Variants in LRP1B observed in about 807,000 individuals in gnomAD.
LRP1B encodes the protein low-density lipoprotein receptor-related protein 1B.
A neutral mutation model predicts 556.6 loss-of-function variants in LRP1B; 217 were observed. The observed-to-expected ratio is 0.39, with a 90% confidence interval of 0.35 to 0.44. The LOEUF (loss-of-function observed/expected upper bound fraction) is 0.44. LRP1B is among the 20% of genes least tolerant of loss of function. LRP1B has a pLI of 1.00. For missense variants in LRP1B, 5,053 were observed against 5,620.8 expected (o/e 0.90, Z 3.23); for synonymous variants, 2,047 against 1,865.8 (o/e 1.10, Z -2.50).
intron 3 of LRP1B, among the ~76,000 whole-genome samples, chr2:141,391,038 T>C (rs1231023395): frequency 1.3e-5 from 2 of 152,168 alleles, no homozygotes; most frequent in African/African-American, 2.4e-5. Context: ...TTTAAATTGA[T>C]ACAATGAGTA....
chr2:142,065,951 C>G (rs1290417655), intron 1 of LRP1B, among the ~76,000 whole-genome samples: 1 of 151,288 alleles, frequency 6.6e-6, no homozygotes, highest in African/African-American at 2.4e-5. Context: ...TCTGTGGGTT[C>G]ATGAAATCCC....
intron 1 of LRP1B, among the ~76,000 whole-genome samples, chr2:141,848,618 C>A (rs142532846): frequency 2.8e-4 from 43 of 151,428 alleles, no homozygotes; most frequent in African/African-American, 8.7e-4. Flanking sequence ...TATAACAATA[C>A]CATTTGGTTA....
chr2:141,242,880 G>A (rs2105319306), intron 5 of LRP1B, among the ~76,000 whole-genome samples: 1 of 152,142 alleles, frequency 6.6e-6, no homozygotes, highest in East Asian at 1.9e-4. Context: ...CAATTTGTAA[G>A]TTAAACACCA....
At position 141,767,708 on chromosome 2, in the gene LRP1B, T is replaced by G. The variant is rs1343338375; in HGVS notation, c.205+42571A>C. ...ATATATGGACAGGCAAGTCTGACAT[T>G]AAACTCATAGCCTGTGGGAGCCAGA... On this transcript the variant is annotated intron_variant, in intron 2 of 90. Transcript: ENST00000389484. Among the ~76,000 whole-genome samples, 4 of 152,300 alleles carry G rather than the reference T, an allele frequency of 2.6e-5. No individual in the cohort carries two copies. In the East Asian group the frequency reaches 5.8e-4, roughly 22 times the overall value.
rs1282301057 is a variant in LRP1B, at chr2:140,451,242, C to A, written c.9964-581G>T. 5.9e-5 allele frequency among the ~76,000 whole-genome samples: 9 copies of A among 152,148 alleles called. No individual in the cohort carries two copies. The East Asian group carries it at 1.4e-3, about 23-fold the overall frequency. Reference sequence around the variant, plus strand: ...AGGTGTAAATAAATCACGGCCCCAGCCCTAAAGGGCTACTTGTACACTACA... The same window carrying A: ...AGGTGTAAATAAATCACGGCCCCAGACCTAAAGGGCTACTTGTACACTACA... On this transcript the variant is annotated intron_variant, in intron 62 of 90. Coordinates refer to ENST00000389484, the MANE Select transcript of LRP1B (RefSeq NM_018557.3).
intron 7 of LRP1B, among the ~76,000 whole-genome samples, chr2:141,183,662 A>C (rs2105179107): frequency 6.6e-6 from 1 of 152,146 alleles, no homozygotes; most frequent in East Asian, 1.9e-4. Context: ...CAAAAGATTC[A>C]TCCCACACAG....
chr2:141,914,228 A>G (rs1699976280), intron 1 of LRP1B, among the ~76,000 whole-genome samples: 1 of 152,274 alleles, frequency 6.6e-6, no homozygotes, highest in South Asian at 2.1e-4. Context: ...TTAATAGATA[A>G]AAGGATATAA....
In LRP1B at chr2:141,201,388, C is replaced by T. The variant is rs77510317; in HGVS notation, c.851-12805G>A. ...CTATCTAGAGTGCTTTCTTATCTAT[C>T]CCCTACCAAGAAACATTTTCTGACT... On this transcript the variant is annotated intron_variant, in intron 6 of 90. Coordinates refer to ENST00000389484, the MANE Select transcript of LRP1B (RefSeq NM_018557.3). Among the ~76,000 whole-genome samples, 144 of 152,174 alleles carry T rather than the reference C, an allele frequency of 9.5e-4. 1 individual carries two copies. The highest frequency in any genetic ancestry group is 6.8e-3 in the Middle Eastern group (2 of 294).
intron 2 of LRP1B, among the ~76,000 whole-genome samples, chr2:141,592,763 G>C (rs1229743759): frequency 6.6e-6 from 1 of 152,042 alleles, no homozygotes; most frequent in Non-Finnish European, 1.5e-5. Context: ...CCACTTTTGA[G>C]ATTCTATTCT....
At chr2:140,304,542 A>G (rs1683980997) in intron 83 of LRP1B, among the ~76,000 whole-genome samples, 1 of 152,064 alleles carries the variant, frequency 6.6e-6, no homozygotes, top group East Asian at 1.9e-4. Flanking sequence ...TTCTTTGTAG[A>G]TTGTGGATTG....
intron 3 of LRP1B, among the ~76,000 whole-genome samples, chr2:141,404,857 G>T (rs970705128): frequency 1.3e-5 from 2 of 151,252 alleles, no homozygotes; most frequent in Non-Finnish European, 2.9e-5. Flanking sequence ...TTTCATTTTG[G>T]GCAGAAGCCT....
chr2:140,317,618 CTTGT>C (rs930364354), intron 82 of LRP1B, among the ~76,000 whole-genome samples: 3 of 152,060 alleles, frequency 2.0e-5, no homozygotes, highest in Admixed American at 6.6e-5. Flanking sequence ...TGGAAATATG[CTTGT>C]TTAATTTAAA....
At chr2:140,801,104 T>C (rs1052559564) in intron 32 of LRP1B, among the ~76,000 whole-genome samples, 1 of 152,214 alleles carries the variant, frequency 6.6e-6, no homozygotes, top group Non-Finnish European at 1.5e-5. Flanking sequence ...ATTATTGAGA[T>C]GTACTAAATA....
At chr2:140,602,275 T>C (rs565941909) in intron 41 of LRP1B, among the ~76,000 whole-genome samples, 1 of 151,982 alleles carries the variant, frequency 6.6e-6, no homozygotes, top group South Asian at 2.1e-4. Context: ...CAGACAAAGA[T>C]AAATGATGGT....
At chr2:141,230,018 C>G (rs962853323) in intron 5 of LRP1B, among the ~76,000 whole-genome samples, 1 of 152,164 alleles carries the variant, frequency 6.6e-6, no homozygotes, top group African/African-American at 2.4e-5. Flanking sequence ...TTTCTACAGT[C>G]AGGAAAACAA....
At chr2:140,760,886 C>G (rs1688898327) in intron 35 of LRP1B, among the ~76,000 whole-genome samples, 3 of 151,256 alleles carry the variant, frequency 2.0e-5, no homozygotes, top group Non-Finnish European at 4.4e-5. Flanking sequence ...GAGACTCTGT[C>G]TCAAAAAAAT....
intron 7 of LRP1B, among the ~76,000 whole-genome samples, chr2:141,102,488 C>T (rs143738270): frequency 1.3e-5 from 2 of 152,156 alleles, no homozygotes; most frequent in Non-Finnish European, 2.9e-5. Flanking sequence ...CCACCTATAT[C>T]GGGTTTCTTG....
At chr2:140,864,222 A>G (rs958246537) in intron 27 of LRP1B, among the ~76,000 whole-genome samples, 2 of 152,044 alleles carry the variant, frequency 1.3e-5, no homozygotes, top group African/African-American at 4.8e-5. Flanking sequence ...GCTAGACTCT[A>G]TAGTTGACAC....
chr2:140,561,921 C>T (rs924504194), intron 43 of LRP1B, among the ~76,000 whole-genome samples: 4 of 151,742 alleles, frequency 2.6e-5, no homozygotes, highest in Non-Finnish European at 5.9e-5. Context: ...CTCAGGAATG[C>T]TTTAATATTT....
Sources: allele counts gnomAD v4.1 joint callset (sites outside exome capture counted in the v4.1 genomes callset), GRCh38; gene constraint gnomAD v4.1.1; transcripts MANE v1.5; gene names NCBI Gene and HGNC (gene_info 2026-07-23, HGNC 2026-07-21).